Variants in KAZN observed in about 807,000 individuals in gnomAD.
KAZN encodes the protein kazrin.
Under a neutral mutation model 87.4 loss-of-function variants are expected in KAZN, and 40 were observed. The observed-to-expected ratio is 0.46, with a 90% confidence interval of 0.36 to 0.60. The LOEUF is 0.60. Ranked by LOEUF, KAZN falls within the 20% of genes least tolerant of loss-of-function variation. The pLI is 0.00. For missense variants in KAZN, 898 were observed against 1,073.9 expected, an observed-to-expected ratio of 0.84 and a Z score of 2.29; for synonymous variants, 466 against 458.3, an observed-to-expected ratio of 1.02 and a Z score of -0.22.
intron 2 of KAZN, among the ~76,000 whole-genome samples, chr1:14,977,845 T>C (rs1020700102): frequency 2.0e-5 from 3 of 150,684 alleles, no homozygotes; most frequent in Non-Finnish European, 3.0e-5. Context: ...CTGTTGGCCG[T>C]TGTCTCTTAA....
At chr1:14,323,565 C>T (rs368552345) in intron 2 of KAZN, among the ~76,000 whole-genome samples, 10 of 152,274 alleles carry the variant, frequency 6.6e-5, no homozygotes, top group African/African-American at 2.2e-4. Context: ...CCAAGACCCA[C>T]ATCCACTGTT....
At chr1:14,772,194 A>G (rs987221315) in intron 1 of KAZN, among the ~76,000 whole-genome samples, 7 of 152,160 alleles carry the variant, frequency 4.6e-5, no homozygotes, top group African/African-American at 1.7e-4. Flanking sequence ...ACAAGAGTCT[A>G]GGATGGGCCT....
intron 1 of KAZN, among the ~76,000 whole-genome samples, chr1:14,901,755 C>G (rs1655944702): frequency 6.6e-6 from 1 of 152,204 alleles, no homozygotes; most frequent in Non-Finnish European, 1.5e-5. Context: ...AGCCTGGCGT[C>G]CAAGGTCAAG....
chr1:14,648,343 A>AT lies in KAZN; in HGVS notation c.226+49126dup, dbSNP rs199848501. Among the ~76,000 whole-genome samples the AT allele has an allele frequency of 3.7e-3, 568 of 152,340 alleles. 14 individuals are homozygous for AT. In the East Asian group the frequency reaches 0.041, roughly 11 times the overall value. On this transcript the variant is annotated intron_variant, in intron 1 of 14. Transcript: ENST00000376030. ...CTATTATTAATTTATAATGGAACACATTTTTTAAAGGAAATCTTACTTGGA... is the reference window on the plus strand; with the variant it reads ...CTATTATTAATTTATAATGGAACACATTTTTTTAAAGGAAATCTTACTTGGA...
intron 1 of KAZN, among the ~76,000 whole-genome samples, chr1:14,787,390 G>A (rs1271940775): frequency 1.3e-5 from 2 of 152,214 alleles, no homozygotes; most frequent in East Asian, 1.9e-4. Context: ...GACCAAGCTA[G>A]CATTTGAACC....
chr1:14,000,332 CA>C (rs1028449571), intron 1 of KAZN, among the ~76,000 whole-genome samples: 3 of 152,308 alleles, frequency 2.0e-5, no homozygotes, highest in South Asian at 2.1e-4. Context: ...AGCAGCACAT[CA>C]AAAACTTATC....
intron 2 of KAZN, among the ~76,000 whole-genome samples, chr1:14,585,970 C>T (rs2148571226): frequency 6.6e-6 from 1 of 152,288 alleles, no homozygotes; most frequent in South Asian, 2.1e-4. Context: ...TGCAAAGAAA[C>T]CAGGTCCCTC....
intron 1 of KAZN, among the ~76,000 whole-genome samples, chr1:14,693,913 A>C (rs995269450): frequency 1.1e-4 from 16 of 152,144 alleles, no homozygotes; most frequent in Non-Finnish European, 2.1e-4. Flanking sequence ...CCTGCCCCAC[A>C]CTGCGACCAT....
chr1:13,940,470 G>A (rs996055132), intron 1 of KAZN, among the ~76,000 whole-genome samples: 2 of 152,092 alleles, frequency 1.3e-5, no homozygotes, highest in Admixed American at 6.5e-5. Context: ...TCTTTCTGTG[G>A]TGTCAGTTGT....
At chr1:14,127,284 G>A (rs10928025) in intron 1 of KAZN, among the ~76,000 whole-genome samples, 86,890 of 152,038 alleles carry the variant, frequency 0.57, 26,080 homozygotes, top group East Asian at 0.76. Context: ...AAAAATGAGG[G>A]AGCGATTTAA....
intron 1 of KAZN, among the ~76,000 whole-genome samples, chr1:13,910,039 A>G (rs926977770): frequency 3.3e-5 from 5 of 152,182 alleles, no homozygotes; most frequent in Admixed American, 6.5e-5. Flanking sequence ...GGGGTCTGGT[A>G]TGGTTTAGAT....
chr1:14,665,460 A>G (rs1639474165), intron 1 of KAZN, among the ~76,000 whole-genome samples: 1 of 152,176 alleles, frequency 6.6e-6, no homozygotes, highest in South Asian at 2.1e-4. Flanking sequence ...CGTCAAAATC[A>G]ATTATTTAAG....
intron 2 of KAZN, among the ~76,000 whole-genome samples, chr1:14,301,674 A>G (rs551195371): frequency 1.4e-4 from 22 of 152,344 alleles, no homozygotes; most frequent in East Asian, 9.7e-4. Context: ...TTAAACACAG[A>G]AAACTCTTCT....
At position 14,599,681 on chromosome 1, in the gene KAZN, G is replaced by A. The variant is rs1326811033; in HGVS notation, c.226+458G>A. 3.3e-5 allele frequency among the ~76,000 whole-genome samples: 5 copies of A among 152,230 alleles called. No individual in the cohort carries two copies. Among genetic ancestry groups the A allele is most frequent in the African/African-American group, 7.2e-5 (3 of 41,464 alleles). ...TTGGGATAGAGGATTGCACTGCTGTGCACTTTTCTCCGCGGATGCCAAATC... is the reference window on the plus strand; with the variant it reads ...TTGGGATAGAGGATTGCACTGCTGTACACTTTTCTCCGCGGATGCCAAATC... On this transcript the variant is annotated intron_variant, in intron 1 of 14. Coordinates refer to ENST00000376030, the MANE Select transcript of KAZN (RefSeq NM_201628.3). This position sits in a 1 kb window ranked among gnomAD's most constrained non-coding sequence, Gnocchi z 4.4.
rs34797063 is a variant in KAZN at position 14,350,028 on chromosome 1, CGGGAGGCGTGAACCT to C, written c.249+169460_249+169474del. ...GCAGGCACCTGTAGTCCCAGCTACT[CGGGAGGCGTGAACCT>C]GGGAGGCGTGAACCTGGGAGGCGGA... is the stretch of plus-strand genomic sequence containing the variant. On this transcript the variant is annotated intron_variant, in intron 2 of 16. Coordinates refer to the KAZN transcript ENST00000636203. 7.0e-4 allele frequency among the ~76,000 whole-genome samples: 104 copies of C among 148,824 alleles called. No individual in the cohort carries two copies. The East Asian group carries it at 0.011, about 16-fold the overall frequency.
At chr1:14,033,211 G>T (rs943264191) in intron 1 of KAZN, among the ~76,000 whole-genome samples, 2 of 152,362 alleles carry the variant, frequency 1.3e-5, no homozygotes, top group South Asian at 2.1e-4. Flanking sequence ...TGATGAGGAA[G>T]TTTGACAGCC....
At chr1:14,168,171 G>A (rs143825971) in intron 1 of KAZN, among the ~76,000 whole-genome samples, 60 of 152,326 alleles carry the variant, frequency 3.9e-4, no homozygotes, top group African/African-American at 1.4e-3. Context: ...CAGGCAAGTC[G>A]CTGGCTACAT....
chr1:14,195,785 T>C (rs1646514738), intron 2 of KAZN, among the ~76,000 whole-genome samples: 1 of 152,166 alleles, frequency 6.6e-6, no homozygotes, highest in South Asian at 2.1e-4. Flanking sequence ...TCCTGCTGTA[T>C]GCTAGGCATA....
chr1:14,098,147 G>T (rs1424632467), intron 1 of KAZN, among the ~76,000 whole-genome samples: 1 of 152,064 alleles, frequency 6.6e-6, no homozygotes, highest in Non-Finnish European at 1.5e-5. Context: ...CTTGCCTTGT[G>T]CTGCCTCAGT....
Sources: gnomAD v4.1 joint callset for allele counts (sites outside exome capture counted in the v4.1 genomes callset) on GRCh38, gnomAD v4.1.1 for gene constraint, Gnocchi (gnomAD v3.1) non-coding constraint, MANE v1.5 for transcripts, NCBI Gene and HGNC (gene_info 2026-07-23, HGNC 2026-07-21) for gene names.